Variants in RIMS2 observed in about 807,000 individuals in gnomAD.
RIMS2 encodes the protein regulating synaptic membrane exocytosis 2, also known as regulating synaptic membrane exocytosis protein 2.
RIMS2 carries 59 observed loss-of-function variants against 174.4 expected under a neutral mutation model. The ratio of observed to expected loss-of-function variants is 0.34; its 90% confidence interval spans 0.27 to 0.42. The LOEUF is 0.42. Ranked by LOEUF, RIMS2 falls within the 10% of genes least tolerant of loss-of-function variation. RIMS2 has a pLI of 1.00. For synonymous variants in RIMS2, 606 were observed against 572.5 expected, an observed-to-expected ratio of 1.06 and a Z score of -0.84; for missense variants, 1,620 against 1,666.3, an observed-to-expected ratio of 0.97 and a Z score of 0.48.
intron 19 of RIMS2, among the ~76,000 whole-genome samples, chr8:104,087,870 C>T (rs1036396790): frequency 7.2e-5 from 11 of 152,068 alleles, no homozygotes; most frequent in African/African-American, 2.7e-4. Context: ...GTTCGTTAGG[C>T]TCAGCTTTAC....
intron 19 of RIMS2, among the ~76,000 whole-genome samples, chr8:104,096,603 C>A (rs529401225): frequency 2.0e-5 from 3 of 152,264 alleles, no homozygotes; most frequent in African/African-American, 7.2e-5. Flanking sequence ...GGTGCGATGG[C>A]TCACGCCTGT....
chr8:103,907,305 G>C (rs2074637215), intron 4 of RIMS2, among the ~76,000 whole-genome samples: 2 of 152,034 alleles, frequency 1.3e-5, no homozygotes, highest in African/African-American at 2.4e-5. Flanking sequence ...TACTTCCCTT[G>C]GTTCTTCAGT....
intron 17 of RIMS2, among the ~76,000 whole-genome samples, chr8:103,995,077 T>C (rs1283093487): frequency 1.3e-5 from 2 of 152,140 alleles, no homozygotes; most frequent in Non-Finnish European, 2.9e-5. Flanking sequence ...TAAAGCTATG[T>C]ATACTTTTTT....
At chr8:103,670,753 C>T (rs545629174) in intron 1 of RIMS2, among the ~76,000 whole-genome samples, 1 of 152,306 alleles carries the variant, frequency 6.6e-6, no homozygotes, top group South Asian at 2.1e-4. Context: ...ATTTCATTGT[C>T]TATATCATTA....
At chr8:104,246,476 T>TA (rs2099330843) in intron 20 of RIMS2, among the ~76,000 whole-genome samples, 1 of 152,060 alleles carries the variant, frequency 6.6e-6, no homozygotes, top group Admixed American at 6.6e-5. Flanking sequence ...TCCCCAAAAA[T>TA]AAAATACTCT....
intron 22 of RIMS2, among the ~76,000 whole-genome samples, chr8:104,250,233 T>G (rs2099354601): frequency 2.6e-5 from 4 of 152,328 alleles, no homozygotes; most frequent in South Asian, 2.1e-4. Context: ...TTCTGAAACT[T>G]GATTTCTAGC....
At chr8:103,644,472 G>T (rs2096286968) in intron 1 of RIMS2, among the ~76,000 whole-genome samples, 1 of 152,022 alleles carries the variant, frequency 6.6e-6, no homozygotes, top group South Asian at 2.1e-4. Context: ...TGGAATGGAC[G>T]AATGTAGGAG....
At chr8:103,840,014 C>T (rs2098930257) in intron 3 of RIMS2, among the ~76,000 whole-genome samples, 1 of 152,118 alleles carries the variant, frequency 6.6e-6, no homozygotes, top group African/African-American at 2.4e-5. Flanking sequence ...AAGATTGTTT[C>T]CAGGTGGAAA....
intron 3 of RIMS2, among the ~76,000 whole-genome samples, chr8:103,791,769 T>A (rs2154443772): frequency 6.6e-6 from 1 of 152,228 alleles, no homozygotes; most frequent in African/African-American, 2.4e-5. Context: ...GGGGTTGCAA[T>A]CCTAGTCTCT....
chr8:104,135,135 G>T (rs1284002254), intron 19 of RIMS2, among the ~76,000 whole-genome samples: 1 of 152,136 alleles, frequency 6.6e-6, no homozygotes, highest in Admixed American at 6.5e-5. Flanking sequence ...TGAAATGTAA[G>T]GAGAAGTCTG....
chr8:104,065,015 A>C (rs1490811009), intron 19 of RIMS2, among the ~76,000 whole-genome samples: 1 of 152,094 alleles, frequency 6.6e-6, no homozygotes, highest in Non-Finnish European at 1.5e-5. Flanking sequence ...TCCTAGATAA[A>C]CTTACTCTCT....
chr8:103,878,766 A>G (rs1018845542), intron 3 of RIMS2, among the ~76,000 whole-genome samples: 1 of 150,920 alleles, frequency 6.6e-6, no homozygotes, highest in Non-Finnish European at 1.5e-5. Flanking sequence ...TGATCCCCTG[A>G]GGGGATCATC....
intron 1 of RIMS2, among the ~76,000 whole-genome samples, chr8:103,511,995 G>A (rs962085162): frequency 6.6e-6 from 1 of 152,148 alleles, no homozygotes; most frequent in African/African-American, 2.4e-5. Flanking sequence ...CTGTGGGAAC[G>A]TTGGTGGGAC....
intron 1 of RIMS2, among the ~76,000 whole-genome samples, chr8:103,656,862 C>T (rs1206666435): frequency 3.3e-5 from 5 of 152,114 alleles, no homozygotes; most frequent in Admixed American, 1.3e-4. Flanking sequence ...AAACTTCTTG[C>T]GGTCCTAGCC....
At chr8:103,975,221 C>G (rs2093314151) in intron 15 of RIMS2, 129 bp from the exon 18 acceptor site, 1 of 541,262 alleles carries the variant, frequency 1.8e-6, no homozygotes, top group African/African-American at 1.9e-5. Flanking sequence ...GGTTTATTCA[C>G]TATACTTTAT....
In RIMS2 at chr8:104,223,345, T is replaced by C. The variant is rs559679723; in HGVS notation, c.3335-21571T>C. The stretch of plus-strand genomic sequence containing the variant: ...GGGAGGGCAGCGAGACTCCAGCAGC[T>C]CCAGCCTCCAGGATTCTCAGCTCCC... On this transcript the variant is annotated intron_variant, in intron 19 of 23. Transcript: ENST00000504942. The C allele has an allele frequency of 9.7e-5, 109 of 1,124,256 alleles. 3 individuals are homozygous for C. In the South Asian group the frequency reaches 3.9e-3, roughly 40 times the overall value. 69.6% of individuals were successfully genotyped at this position (1,124,256 alleles called of 1,614,324 possible).
intron 1 of RIMS2, among the ~76,000 whole-genome samples, chr8:103,654,556 A>G (rs1371579495): frequency 1.3e-5 from 2 of 151,966 alleles, no homozygotes; most frequent in African/African-American, 4.8e-5. Context: ...TCTTCATCTT[A>G]CATTCTTGTT....
chr8:103,865,255 G>A (rs893719045), intron 3 of RIMS2, among the ~76,000 whole-genome samples: 5 of 148,022 alleles, frequency 3.4e-5, no homozygotes, highest in South Asian at 2.1e-4. Context: ...GTTTCTCTGT[G>A]AATATAACTT....
intron 1 of RIMS2, among the ~76,000 whole-genome samples, chr8:103,583,060 C>A (rs561828419): frequency 1.3e-5 from 2 of 152,198 alleles, no homozygotes; most frequent in South Asian, 4.1e-4. Flanking sequence ...TTGTGTCACT[C>A]CACCCTCAGC....
Sources: gnomAD v4.1 joint callset for allele counts (sites outside exome capture counted in the v4.1 genomes callset) on GRCh38, gnomAD v4.1.1 for gene constraint, MANE v1.5 for transcripts, NCBI Gene and HGNC (gene_info 2026-07-23, HGNC 2026-07-21) for gene names.